Variants in PLA2G6 observed in about 807,000 individuals in gnomAD.
PLA2G6 encodes 85/88 kDa calcium-independent phospholipase A2.
In PLA2G6, 62 loss-of-function variants were observed where a neutral mutation model predicts 83.8. That is an observed-to-expected ratio of 0.74 (90% CI 0.60 to 0.91). The LOEUF is 0.91. Ranked by LOEUF, PLA2G6 falls within the 40% of genes least tolerant of loss-of-function variation. The pLI is 0.00. For synonymous variants in PLA2G6, 417 were observed against 449.8 expected (o/e 0.93, Z 0.92); for missense variants, 944 against 1,102.0 (o/e 0.86, Z 2.03).
chr22:38,126,124 C>T, intron 10 of PLA2G6: 1 of 586,852 alleles, frequency 1.7e-6, no homozygotes, highest in Non-Finnish European at 3.2e-6. Flanking sequence ...ACTGCGCCAG[C>T]CCCACCAAGT....
At chr22:38,156,574 C>A (rs2089789002) in intron 2 of PLA2G6, among the ~76,000 whole-genome samples, 1 of 152,228 alleles carries the variant, frequency 6.6e-6, no homozygotes, top group East Asian at 1.9e-4. Context: ...CTGCCTCAGC[C>A]TCCTGAGTAG....
At chr22:38,173,393 G>GT (rs1195463707) in intron 1 of PLA2G6, among the ~76,000 whole-genome samples, 1 of 151,962 alleles carries the variant, frequency 6.6e-6, no homozygotes, top group East Asian at 1.9e-4. Context: ...CACCTCGGCT[G>GT]TGTCAAGCAG....
At chr22:38,144,549 C>T (rs1019100033) in intron 3 of PLA2G6, 3 of 143,674 alleles carry the variant, frequency 2.1e-5, no homozygotes, top group African/African-American at 5.1e-5. Flanking sequence ...AGGAGAATGG[C>T]GTGAACCCGG....
At chr22:38,180,950 G>A (rs753764710) in intron 1 of PLA2G6, among the ~76,000 whole-genome samples, 1 of 152,162 alleles carries the variant, frequency 6.6e-6, no homozygotes, top group Non-Finnish European at 1.5e-5. Flanking sequence ...CATCCTGTTG[G>A]GCGGGTAAGA....
At chr22:38,141,692 A>T (rs1042496797) in intron 4 of PLA2G6, 4 of 152,028 alleles carry the variant, frequency 2.6e-5, no homozygotes, top group African/African-American at 9.7e-5. Flanking sequence ...CACATACAAC[A>T]CTCAGTTCAA....
intron 6 of PLA2G6, chr22:38,134,752 C>G (rs2088433629): frequency 1.8e-6 from 1 of 551,784 alleles, no homozygotes; most frequent in African/African-American, 1.9e-5. Context: ...ATCGCCAAAG[C>G]AGAATTCATG....
intron 1 of PLA2G6, among the ~76,000 whole-genome samples, chr22:38,176,696 TG>T (rs986985399): frequency 1.6e-4 from 25 of 152,152 alleles, no homozygotes; most frequent in Admixed American, 2.0e-4. Flanking sequence ...GCCTCACGGT[TG>T]GCAAAGGGTT....
intron 2 of PLA2G6, among the ~76,000 whole-genome samples, chr22:38,167,504 C>T (rs2284067): frequency 0.071 from 10,704 of 151,396 alleles, 858 homozygotes; most frequent in African/African-American, 0.19. Flanking sequence ...GGAGTGGACC[C>T]GCTGCCCTGG....
intron 12 of PLA2G6, 34 bp downstream of exon 12, chr22:38,120,725 G>C (rs1439194105): frequency 6.2e-7 from 1 of 1,611,138 alleles, no homozygotes; most frequent in Non-Finnish European, 8.5e-7. Flanking sequence ...AGTGGGCACA[G>C]CTGCGGCCAC....
intron 13 of PLA2G6, 21 bp downstream of exon 13, chr22:38,116,054 T>C (rs1181871314): frequency 6.2e-7 from 1 of 1,612,562 alleles, no homozygotes; most frequent in Non-Finnish European, 8.5e-7. Context: ...TTCCCATGGA[T>C]GCATCAAACA....
At chr22:38,130,862 G>A (rs1300866395) in intron 7 of PLA2G6, 2 of 151,936 alleles carry the variant, frequency 1.3e-5, no homozygotes, top group Admixed American at 6.5e-5. Flanking sequence ...TTAGCCAGGT[G>A]TGGTGGCGCA....
intron 2 of PLA2G6, chr22:38,148,863 T>C (rs77811953): frequency 0.016 from 1,506 of 94,412 alleles, 12 homozygotes; most frequent in African/African-American, 0.065. Context: ...TTATTTCTTT[T>C]TTTTTTTTTT....
intron 2 of PLA2G6, among the ~76,000 whole-genome samples, chr22:38,159,725 AAAGG>A (rs56181861): frequency 0.097 from 13,948 of 143,140 alleles, 734 homozygotes; most frequent in South Asian, 0.15. Flanking sequence ...GAGATAGATG[AAAGG>A]AAGGAAGGAA....
intron 10 of PLA2G6, chr22:38,126,068 C>G: frequency 2.3e-6 from 1 of 432,624 alleles, no homozygotes; most frequent in South Asian, 2.0e-5. Context: ...ACCCAGGCAT[C>G]TCCCCCTCTT....
At chr22:38,133,125 T>G in intron 6 of PLA2G6, 112 bp from the exon 7 acceptor site, 1 of 1,042,060 alleles carries the variant, frequency 9.6e-7, no homozygotes, top group South Asian at 1.4e-5. Context: ...ACTGGGATGT[T>G]GGAAAGCGCT....
chr22:38,164,684 G>A (rs999910645), intron 2 of PLA2G6, among the ~76,000 whole-genome samples: 8 of 152,198 alleles, frequency 5.3e-5, no homozygotes, highest in South Asian at 2.1e-4. Flanking sequence ...TGCAGCAACA[G>A]CAGCAAAAGA....
intron 6 of PLA2G6, chr22:38,134,033 C>A (rs2088384711): frequency 6.6e-6 from 1 of 152,120 alleles, no homozygotes; most frequent in South Asian, 2.1e-4. Context: ...TGGGTGGGCA[C>A]CATCTAATCA....
intron 2 of PLA2G6, among the ~76,000 whole-genome samples, chr22:38,166,068 C>T (rs990442886): frequency 7.2e-5 from 11 of 152,168 alleles, no homozygotes; most frequent in African/African-American, 2.2e-4. Flanking sequence ...TCTGGAGAAG[C>T]GAGCCAGCAG....
intron 2 of PLA2G6, among the ~76,000 whole-genome samples, chr22:38,167,015 TCAGGAGATTGAGACCA>T (rs2090241648): frequency 2.0e-5 from 3 of 151,592 alleles, no homozygotes; most frequent in African/African-American, 7.3e-5. Flanking sequence ...GATCACGAGG[TCAGGAGATTGAGACCA>T]TCCTGGCTAA....
Sources: allele counts gnomAD v4.1 joint callset (sites outside exome capture counted in the v4.1 genomes callset), GRCh38; gene constraint gnomAD v4.1.1; transcripts MANE v1.5; gene names NCBI Gene and HGNC (gene_info 2026-07-23, HGNC 2026-07-21).